KLHL4: variants seen among roughly 807,000 people sequenced by gnomAD.
KLHL4 encodes kelch-like protein 4.
In KLHL4, 17 loss-of-function variants were observed where a neutral mutation model predicts 45.8. That is an observed-to-expected ratio of 0.37 (90% CI 0.25 to 0.56). KLHL4 has a LOEUF of 0.56. KLHL4 is among the 20% of genes least tolerant of loss of function. The pLI, the probability that KLHL4 is intolerant of heterozygous loss-of-function variation, is 0.79. For synonymous variants in KLHL4, 224 were observed against 189.9 expected (o/e 1.18, Z -1.47); for missense variants, 544 against 544.9 (o/e 1.00, Z 0.02).
At chrX:87,605,395 C>T (rs774307061) in intron 1 of KLHL4, among the ~76,000 whole-genome samples, 1 of 111,094 alleles carries the variant, frequency 9.0e-6, no homozygotes, top group South Asian at 3.7e-4. Flanking sequence ...AATCTGTTAA[C>T]ATGGGATATC....
At chrX:87,650,513 C>T (rs953392840) in intron 9 of KLHL4, among the ~76,000 whole-genome samples, 1 of 112,366 alleles carries the variant, frequency 8.9e-6, no homozygotes, top group South Asian at 3.6e-4. Flanking sequence ...ACTTTTATTT[C>T]TCTTTTTAGC....
At chrX:87,551,158 A>T (rs1931806574) in intron 1 of KLHL4, among the ~76,000 whole-genome samples, 1 of 111,319 alleles carries the variant, frequency 9.0e-6, no homozygotes, top group Non-Finnish European at 1.9e-5. Flanking sequence ...ATAATTCAAC[A>T]AAGTTTCCAG....
chrX:87,581,855 C>A (rs750010369), intron 1 of KLHL4, among the ~76,000 whole-genome samples: 2 of 111,933 alleles, frequency 1.8e-5, no homozygotes, highest in South Asian at 7.4e-4. Context: ...TGGGATAAGG[C>A]TGAGATGGCT....
chrX:87,649,157 ACT>A (rs199826366), intron 9 of KLHL4, among the ~76,000 whole-genome samples: 2,392 of 110,843 alleles, frequency 0.022, 28 homozygotes, highest in Middle Eastern at 0.033. Flanking sequence ...TCAGATTGAA[ACT>A]CTGTATTTAT....
At chrX:87,543,866 C>T (rs1931618102) in intron 1 of KLHL4, among the ~76,000 whole-genome samples, 1 of 111,453 alleles carries the variant, frequency 9.0e-6, no homozygotes, top group Non-Finnish European at 1.9e-5. Flanking sequence ...ACTGAGACAT[C>T]ATCATCTGCT....
At chrX:87,563,158 C>T (rs1407808606) in intron 1 of KLHL4, among the ~76,000 whole-genome samples, 1 of 110,674 alleles carries the variant, frequency 9.0e-6, no homozygotes, top group Non-Finnish European at 1.9e-5. Flanking sequence ...TCAAGAAGGA[C>T]AAGAGCACAT....
In KLHL4 at chrX:87,667,815, T is replaced by C. The variant is rs1924422280; in HGVS notation, c.*1281T>C. On this transcript the variant is annotated 3_prime_UTR_variant, in exon 11 of 11. Coordinates refer to ENST00000373119, the MANE Select transcript of KLHL4 (RefSeq NM_019117.5). ...TATTGTGGATTGTGAAATCAAAATC[T>C]GGAGAAATGCTTATAAAATATACTA... 1.5e-6 allele frequency: 1 copy of C among 663,670 alleles called. No homozygotes were observed. The highest frequency in any genetic ancestry group is 1.8e-6 in the Non-Finnish European group (1 of 557,897). 54.7% of individuals were successfully genotyped at this position (663,670 alleles called of 1,213,427 possible). A position where few individuals can be genotyped will look rare whatever the true frequency, so the allele number is the denominator to read the frequency against.
At chrX:87,617,312 T>C (rs1262887350) in intron 3 of KLHL4, among the ~76,000 whole-genome samples, 2 of 108,556 alleles carry the variant, frequency 1.8e-5, no homozygotes, top group East Asian at 2.9e-4. Flanking sequence ...ATTCTAGAGA[T>C]AATATTTTGG....
chrX:87,639,520 C>T (rs1923378792), intron 9 of KLHL4, among the ~76,000 whole-genome samples: 1 of 111,256 alleles, frequency 9.0e-6, no homozygotes, highest in Non-Finnish European at 1.9e-5. Context: ...CTCTGTCAGA[C>T]CACAGTCTAA....
intron 1 of KLHL4, among the ~76,000 whole-genome samples, chrX:87,520,748 ACT>A (rs962039150): frequency 8.9e-6 from 1 of 112,048 alleles, no homozygotes; most frequent in Non-Finnish European, 1.9e-5. Flanking sequence ...TTATCAACTA[ACT>A]CTGCATCTTT....
At chrX:87,636,145 C>A (rs999015314) in intron 9 of KLHL4, among the ~76,000 whole-genome samples, 1 of 112,121 alleles carries the variant, frequency 8.9e-6, no homozygotes, top group Non-Finnish European at 1.9e-5. Context: ...TTCTCTTAGA[C>A]TAAAAATATA....
At chrX:87,559,932 C>T (rs964674914) in intron 1 of KLHL4, among the ~76,000 whole-genome samples, 2 of 111,299 alleles carry the variant, frequency 1.8e-5, no homozygotes, top group Non-Finnish European at 3.8e-5. Flanking sequence ...TTATAAAAAA[C>T]AATTTCTTAC....
At chrX:87,551,434 C>A (rs960001957) in intron 1 of KLHL4, among the ~76,000 whole-genome samples, 5 of 111,282 alleles carry the variant, frequency 4.5e-5, no homozygotes, top group Admixed American at 1.9e-4. Context: ...CAAAAGCAAT[C>A]TACAAATTCA....
At chrX:87,527,382 T>C (rs1931133016) in intron 1 of KLHL4, among the ~76,000 whole-genome samples, 1 of 111,702 alleles carries the variant, frequency 9.0e-6, no homozygotes, top group East Asian at 2.8e-4. Context: ...GACCTCATCA[T>C]CATTCTATCA....
rs1017209233 is a variant in KLHL4, at chrX:87,669,211, C to T, written c.*2677C>T. ...TACTCAGATCTGAAAGACAATGTTGCTTCTTGATTTTTTTCTATAATCACT... is the reference window on the plus strand; with the variant it reads ...TACTCAGATCTGAAAGACAATGTTGTTTCTTGATTTTTTTCTATAATCACT... On this transcript the variant is annotated 3_prime_UTR_variant, in exon 11 of 11. Coordinates refer to ENST00000373119, the MANE Select transcript of KLHL4 (RefSeq NM_019117.5). 16 of 1,101,404 alleles carry T rather than the reference C, an allele frequency of 1.5e-5. 1 individual carries two copies. The South Asian group carries it at 3.3e-4, about 23-fold the overall frequency. The allele number at this position is 1,101,404 out of a possible 1,213,427, so 90.8% of individuals were successfully genotyped here.
At chrX:87,643,821 T>A (rs1210923412) in intron 9 of KLHL4, among the ~76,000 whole-genome samples, 1 of 111,891 alleles carries the variant, frequency 8.9e-6, no homozygotes, top group Admixed American at 9.5e-5. Flanking sequence ...CATCAAAAGA[T>A]GCAGAAAAAG....
intron 1 of KLHL4, among the ~76,000 whole-genome samples, chrX:87,581,186 T>A (rs1306535785): frequency 8.9e-6 from 1 of 112,240 alleles, no homozygotes; most frequent in Non-Finnish European, 1.9e-5. Context: ...CACCCCTGCC[T>A]ATGTTTTAAG....
intron 9 of KLHL4, among the ~76,000 whole-genome samples, chrX:87,650,369 A>T (rs775076895): frequency 2.7e-5 from 3 of 112,066 alleles, no homozygotes; most frequent in Non-Finnish European, 5.6e-5. Context: ...AAGTGCTAGG[A>T]TTACAGGCGT....
At chrX:87,650,652 G>A (rs750905908) in intron 9 of KLHL4, among the ~76,000 whole-genome samples, 18 of 111,899 alleles carry the variant, frequency 1.6e-4, no homozygotes, top group Non-Finnish European at 3.2e-4. Context: ...CTTCATCAGG[G>A]TGAGGTAGTT....
Sources: allele counts gnomAD v4.1 joint callset (sites outside exome capture counted in the v4.1 genomes callset), GRCh38; gene constraint gnomAD v4.1.1; transcripts MANE v1.5; gene names NCBI Gene and HGNC (gene_info 2026-07-23, HGNC 2026-07-21).